ZNF385C: variants seen among roughly 807,000 people sequenced by gnomAD.
ZNF385C encodes the protein CTD-2132N18.2.
ZNF385C carries 28 observed loss-of-function variants against 35.4 expected under a neutral mutation model. The ratio of observed to expected loss-of-function variants is 0.79; its 90% confidence interval spans 0.59 to 1.08. The LOEUF (loss-of-function observed/expected upper bound fraction) is 1.08. ZNF385C is among the 50% of genes least tolerant of loss of function. ZNF385C has a pLI of 0.00. For synonymous variants in ZNF385C, 248 were observed against 248.2 expected (o/e 1.00, Z 0.01); for missense variants, 605 against 595.6 (o/e 1.02, Z -0.16).
intron 7 of ZNF385C, 96 bp downstream of exon 7, chr17:42,027,954 G>T: frequency 6.8e-7 from 1 of 1,469,012 alleles, no homozygotes; most frequent in Non-Finnish European, 9.4e-7. Context: ...GCTCTGCTGT[G>T]CCCTGCCTGC....
chr17:42,039,942 G>C, intron 2 of ZNF385C: 1 of 1,231,176 alleles, frequency 8.1e-7, no homozygotes, highest in Non-Finnish European at 1.0e-6. Context: ...CTAGGGCGGC[G>C]AAGTCGGGGA....
In ZNF385C at chr17:42,095,204, A is replaced by G. The variant is rs2053905018; in HGVS notation, c.-3+3206T>C. 1.3e-5 allele frequency among the ~76,000 whole-genome samples: 2 copies of G among 152,200 alleles called. No individual in the cohort carries two copies. The highest frequency in any genetic ancestry group is 2.9e-5 in the Non-Finnish European group (2 of 68,026). On this transcript the variant is annotated intron_variant, in intron 1 of 8. Coordinates refer to ENST00000692273, the MANE Select transcript of ZNF385C (RefSeq NM_001392013.1). This position sits in a 1 kb window ranked among gnomAD's most constrained non-coding sequence, Gnocchi z 4.4. ...CAATGAGTGAGCAGAGACAGCCACA[A>G]TAAAGGTTTCATGCCTCTTCTGAAC...
At chr17:42,062,025 C>T (rs1301694405) in intron 2 of ZNF385C, 1 of 152,766 alleles carries the variant, frequency 6.5e-6, no homozygotes, top group Non-Finnish European at 1.5e-5. Flanking sequence ...AGAGTGTAGC[C>T]TCCGGCAAAA....
intron 1 of ZNF385C, among the ~76,000 whole-genome samples, chr17:42,083,707 CTTTTTTTTTTTTTTT>C (rs59612634): frequency 2.0e-5 from 1 of 49,940 alleles, no homozygotes; most frequent in Non-Finnish European, 3.5e-5. Flanking sequence ...CTTTTCAAGT[CTTTTTTTTTTTTTTT>C]TTTTTTTTTT....
intron 1 of ZNF385C, among the ~76,000 whole-genome samples, chr17:42,079,678 C>A (rs1197104625): frequency 1.3e-5 from 2 of 150,884 alleles, no homozygotes; most frequent in Non-Finnish European, 3.0e-5. Context: ...CATCACCCCC[C>A]AAAAAAAAGA....
At chr17:42,044,023 G>C (rs1446698229) in intron 2 of ZNF385C, among the ~76,000 whole-genome samples, 1 of 150,576 alleles carries the variant, frequency 6.6e-6, no homozygotes, top group Non-Finnish European at 1.5e-5. Flanking sequence ...TATTTCATCA[G>C]AAGGAAATCA....
intron 2 of ZNF385C, among the ~76,000 whole-genome samples, chr17:42,047,498 C>T (rs2053190684): frequency 6.6e-6 from 1 of 151,912 alleles, no homozygotes; most frequent in South Asian, 2.1e-4. Context: ...ACTGCAGTAA[C>T]TGTCTTGTCC....
At chr17:42,091,264 C>A (rs2143954416) in intron 1 of ZNF385C, among the ~76,000 whole-genome samples, 2 of 152,196 alleles carry the variant, frequency 1.3e-5, no homozygotes, top group Admixed American at 1.3e-4. Flanking sequence ...GAGGGAGACC[C>A]CTGTCTCTAC....
intron 8 of ZNF385C, 95 bp downstream of exon 8, chr17:42,027,522 CT>C: frequency 8.8e-7 from 1 of 1,131,704 alleles, no homozygotes; most frequent in Non-Finnish European, 1.2e-6. Context: ...AGGGTGGCCT[CT>C]TTTCCTGCCC....
intron 1 of ZNF385C, among the ~76,000 whole-genome samples, chr17:42,075,237 C>T (rs2053671535): frequency 6.6e-6 from 1 of 152,240 alleles, no homozygotes; most frequent in African/African-American, 2.4e-5. Context: ...TATGTGCTCC[C>T]AGGGCACCTT....
chr17:42,042,872 C>T (rs2053057935), intron 2 of ZNF385C: 1 of 1,232,180 alleles, frequency 8.1e-7, no homozygotes, highest in African/African-American at 1.6e-5. Flanking sequence ...TAGTAATCGC[C>T]ATGCTCTGTG....
At chr17:42,098,129 C>T (rs1023294946) in intron 1 of ZNF385C, among the ~76,000 whole-genome samples, 2 of 152,244 alleles carry the variant, frequency 1.3e-5, no homozygotes, top group East Asian at 3.8e-4. Context: ...TGCCCCACTC[C>T]AGAAAGCTGC....
intron 2 of ZNF385C, among the ~76,000 whole-genome samples, chr17:42,057,501 C>CGTGT (rs1567991370): frequency 7.0e-6 from 1 of 143,688 alleles, no homozygotes; most frequent in Non-Finnish European, 1.5e-5. Flanking sequence ...GGGGTGTGCG[C>CGTGT]GCGCGCGCGC....
intron 2 of ZNF385C, among the ~76,000 whole-genome samples, chr17:42,049,750 T>A (rs1048495291): frequency 6.6e-6 from 1 of 152,296 alleles, no homozygotes; most frequent in East Asian, 1.9e-4. Context: ...AAAAGGCAGG[T>A]AGGTAGAGCC....
At chr17:42,079,003 T>C (rs2053715022) in intron 1 of ZNF385C, among the ~76,000 whole-genome samples, 1 of 151,882 alleles carries the variant, frequency 6.6e-6, no homozygotes. Context: ...TGCCTAATAA[T>C]AACTCCTCTG....
At chr17:42,090,335 G>A (rs2053852922) in intron 1 of ZNF385C, among the ~76,000 whole-genome samples, 1 of 137,772 alleles carries the variant, frequency 7.3e-6, no homozygotes, top group Non-Finnish European at 1.5e-5. Flanking sequence ...CGCCCAGGCT[G>A]GAGTGCAATT....
intron 5 of ZNF385C, among the ~76,000 whole-genome samples, chr17:42,030,091 G>A (rs1376045499): frequency 6.6e-6 from 1 of 152,010 alleles, no homozygotes; most frequent in Non-Finnish European, 1.5e-5. Context: ...CCACGGTGGA[G>A]TACTACACAG....
intron 1 of ZNF385C, among the ~76,000 whole-genome samples, chr17:42,096,302 G>T (rs2053917071): frequency 6.6e-6 from 1 of 152,220 alleles, no homozygotes; most frequent in Admixed American, 6.5e-5. Context: ...GGAGCCAGAT[G>T]GTGACCATCT....
Position 42,037,839 on chromosome 17 carries a change from G to A in ZNF385C, c.297C>T (p.Pro99=). 2 of 1,517,766 alleles carry A rather than the reference G, an allele frequency of 1.3e-6. No individual in the cohort carries two copies. Among genetic ancestry groups the A allele is most frequent in the African/African-American group, 2.8e-5 (2 of 72,314 alleles). 94.0% of individuals were successfully genotyped at this position (1,517,766 alleles called of 1,614,324 possible). A position where few individuals can be genotyped will look rare whatever the true frequency, so the allele number is the denominator to read the frequency against. Residue 99 remains proline, a synonymous_variant, in exon 3 of 9, where the codon CCC becomes CCT. Coordinates refer to ENST00000692273, the MANE Select transcript of ZNF385C (RefSeq NM_001392013.1). ...GGGGCTGCAGAGGCCGGGTGGGCAG[G>A]GGCAGGGAGGCCAGCAGGGGGCTGG... ...GAPSPLLASL[P]LPTRPLQPPL...
Sources: allele counts gnomAD v4.1 joint callset (sites outside exome capture counted in the v4.1 genomes callset), GRCh38; gene constraint gnomAD v4.1.1; non-coding constraint Gnocchi (gnomAD v3.1); transcripts MANE v1.5; gene names NCBI Gene and HGNC (gene_info 2026-07-23, HGNC 2026-07-21).